The following LRRC37A2 variants were observed in gnomAD, a reference collection of about 807,000 sequenced individuals.
LRRC37A2 encodes leucine rich repeat containing 37 member A2, also known as leucine-rich repeat-containing protein 37A2.
Under a neutral mutation model 68.8 loss-of-function variants are expected in LRRC37A2, and 9 were observed. The observed-to-expected ratio is 0.13, with a 90% confidence interval of 0.08 to 0.23. The LOEUF (loss-of-function observed/expected upper bound fraction) is 0.23, where lower values mean the gene tolerates loss of function less well. Among genes scored for constraint, LRRC37A2 ranks in the 10% least tolerant of loss-of-function variants. The pLI is 1.00. For synonymous variants in LRRC37A2, 63 were observed against 367.6 expected (o/e 0.17, Z 9.48); for missense variants, 168 against 950.4 (o/e 0.18, Z 10.82).
chr17:46,837,247 T>C, the LRRC37A2 span, among the ~76,000 whole-genome samples: 1 of 152,284 alleles, frequency 6.6e-6, no homozygotes, highest in Non-Finnish European at 1.5e-5. Context: ...GGCTGAACCT[T>C]GCAAGTATTT....
chr17:46,870,475 C>T, the LRRC37A2 span, among the ~76,000 whole-genome samples: 43 of 152,342 alleles, frequency 2.8e-4, no homozygotes, highest in African/African-American at 9.4e-4. Context: ...TAATGATTAA[C>T]GGGTCCCTGC....
chr17:46,887,122 G>A, the LRRC37A2 span, among the ~76,000 whole-genome samples: 1 of 152,096 alleles, frequency 6.6e-6, no homozygotes, highest in South Asian at 2.1e-4. Context: ...CGGCCAGCAA[G>A]AACATCCTTA....
At chr17:46,780,957 C>T in the LRRC37A2 span, among the ~76,000 whole-genome samples, 3 of 151,802 alleles carry the variant, frequency 2.0e-5, no homozygotes, top group African/African-American at 4.8e-5. Context: ...AGGAAGGAAG[C>T]GGGTGTGGTG....
At chr17:46,720,314 AT>A in the LRRC37A2 span, among the ~76,000 whole-genome samples, 492 of 152,204 alleles carry the variant, frequency 3.2e-3, 4 homozygotes, top group Non-Finnish European at 6.2e-3. Context: ...GTCTTTTGGC[AT>A]TTGTATCTCT....
the LRRC37A2 span, among the ~76,000 whole-genome samples, chr17:47,041,420 G>T: frequency 1.9e-4 from 8 of 42,074 alleles, no homozygotes; most frequent in Non-Finnish European, 2.7e-4. Flanking sequence ...GGTGTTTGTT[G>T]CTTTTATGAA....
the LRRC37A2 span, among the ~76,000 whole-genome samples, chr17:46,912,566 G>A: frequency 2.6e-5 from 4 of 152,140 alleles, no homozygotes; most frequent in African/African-American, 9.7e-5. Flanking sequence ...CAACTTCCTT[G>A]GAGTCCCCTT....
the LRRC37A2 span, chr17:46,940,612 G>GA: frequency 2.5e-6 from 4 of 1,614,144 alleles, no homozygotes; most frequent in Non-Finnish European, 3.4e-6. Flanking sequence ...GGGAGCAGCT[G>GA]AGCCATTTGT....
intron 8 of LRRC37A2, among the ~76,000 whole-genome samples, chr17:46,541,803 T>C (rs2055372988): frequency 1.3e-5 from 2 of 151,094 alleles, no homozygotes; most frequent in South Asian, 4.1e-4. Flanking sequence ...TGAGGCTGTA[T>C]ACAAACATTA....
chr17:46,857,046 C>T, the LRRC37A2 span, among the ~76,000 whole-genome samples: 1 of 152,138 alleles, frequency 6.6e-6, no homozygotes, highest in Admixed American at 6.6e-5. Context: ...GATTATTTTG[C>T]TCAGCATAAA....
the LRRC37A2 span, among the ~76,000 whole-genome samples, chr17:46,862,593 G>A: frequency 6.6e-6 from 1 of 151,982 alleles, no homozygotes; most frequent in Non-Finnish European, 1.5e-5. Flanking sequence ...GTTTTGTTTT[G>A]TTTTTTTGAG....
chr17:46,963,127 C>A, the LRRC37A2 span, among the ~76,000 whole-genome samples: 1 of 152,214 alleles, frequency 6.6e-6, no homozygotes, highest in African/African-American at 2.4e-5. Flanking sequence ...GGATGAAAAA[C>A]ACAAGACATT....
At chr17:46,836,526 G>T in the LRRC37A2 span, among the ~76,000 whole-genome samples, 1 of 152,178 alleles carries the variant, frequency 6.6e-6, no homozygotes, top group Non-Finnish European at 1.5e-5. Context: ...TGTAAATGTC[G>T]ATGATTAGAA....
the LRRC37A2 span, chr17:46,710,836 C>T: frequency 1.2e-6 from 1 of 803,384 alleles, no homozygotes; most frequent in Non-Finnish European, 1.8e-6. Flanking sequence ...TTTTGCTTTC[C>T]AGGCTTTTTA....
At chr17:46,541,647 T>C (rs542273643) in intron 8 of LRRC37A2, among the ~76,000 whole-genome samples, 3 of 150,824 alleles carry the variant, frequency 2.0e-5, no homozygotes, top group East Asian at 1.9e-4. Flanking sequence ...TCCTCATCCA[T>C]AGATTCAACG....
chr17:46,405,870 A>T, the LRRC37A2 span, among the ~76,000 whole-genome samples: 58 of 140,550 alleles, frequency 4.1e-4, 2 homozygotes, highest in Non-Finnish European at 4.6e-5. Context: ...TTGGTTAAAT[A>T]TATTATATAA....
At chr17:46,832,848 C>T in the LRRC37A2 span, 1 of 153,624 alleles carries the variant, frequency 6.5e-6, no homozygotes, top group Non-Finnish European at 1.4e-5. Context: ...GAAAAGTATT[C>T]CTATTGGCTC....
the LRRC37A2 span, among the ~76,000 whole-genome samples, chr17:46,862,158 C>G: frequency 2.4e-5 from 3 of 123,102 alleles, no homozygotes; most frequent in Non-Finnish European, 4.8e-5. Context: ...AGTGAAACTC[C>G]GTCTCAAAAA....
the LRRC37A2 span, among the ~76,000 whole-genome samples, chr17:46,502,768 C>T: frequency 6.6e-6 from 1 of 151,286 alleles, no homozygotes; most frequent in Non-Finnish European, 1.5e-5. Flanking sequence ...AAATGGTCAC[C>T]AGCAAGAACT....
chr17:46,859,359 T>C, the LRRC37A2 span, among the ~76,000 whole-genome samples: 1 of 152,202 alleles, frequency 6.6e-6, no homozygotes, highest in Non-Finnish European at 1.5e-5. Context: ...AGCTTATTAT[T>C]TTGCATATGA....
Sources: gnomAD v4.1 joint callset for allele counts (sites outside exome capture counted in the v4.1 genomes callset) on GRCh38, gnomAD v4.1.1 for gene constraint, MANE v1.5 for transcripts, NCBI Gene and HGNC (gene_info 2026-07-23, HGNC 2026-07-21) for gene names.